Variants in POLG observed in about 807,000 individuals in gnomAD.
POLG encodes DNA polymerase gamma, catalytic subunit, also known as DNA polymerase subunit gamma-1.
In POLG, 110 loss-of-function variants were observed where a neutral mutation model predicts 155.4. The observed-to-expected ratio is 0.71, with a 90% CI of 0.61 to 0.83. POLG has a LOEUF of 0.83. POLG is among the 40% of genes least tolerant of loss of function. The pLI is 0.00. For synonymous variants in POLG, 701 were observed against 631.5 expected (o/e 1.11, Z -1.65); for missense variants, 1,685 against 1,627.5 (o/e 1.04, Z -0.61).
At position 89,321,776 on chromosome 15, in the gene POLG, C is replaced by T. The variant is rs796052888; in HGVS notation, c.2558G>A (p.Arg853Gln). ...GGTGAGCCATGTGGGCTCCACAGCCCGGCGAGTGATGGTGCCGGCAGTCAC... is the reference window on the plus strand; with the variant it reads ...GGTGAGCCATGTGGGCTCCACAGCCTGGCGAGTGATGGTGCCGGCAGTCAC... ...QVVTAGTITR[R>Q]AVEPTWLTAS... Residue 853 changes from arginine to glutamine, a missense_variant, in exon 16 of 23, where the codon CGG becomes CAG. By Grantham distance (43) the Arg-to-Gln change is conservative. Around this residue, in one of 3 missense-constraint regions of POLG, gnomAD observed 1,210 missense variants for 1,167.1 expected, o/e 1.04. Transcript: ENST00000268124. 4 of 1,613,982 alleles carry T rather than the reference C, an allele frequency of 2.5e-6. No homozygotes were observed. The highest frequency in any genetic ancestry group is 2.5e-6 in the Non-Finnish European group (3 of 1,180,022).
intron 18 of POLG, 41 bp downstream of exon 18, chr15:89,320,725 C>T (rs756767981): frequency 2.6e-5 from 42 of 1,608,844 alleles, no homozygotes; most frequent in Non-Finnish European, 3.2e-5. Context: ...AAGCAGGCCT[C>T]GGGTCCTGGG....
chr15:89,318,866 C>CA, intron 20 of POLG, 65 bp downstream of exon 20: 1 of 1,589,212 alleles, frequency 6.3e-7, no homozygotes, highest in Non-Finnish European at 8.6e-7. Context: ...TGGTAAGGTC[C>CA]ACAGGGAGCT....
Position 89,316,578 on chromosome 15 carries a change from G to A in POLG, c.*173C>T. ...TTGGCATCTTGGTTCTGAACCCACT[G>A]AATTCAACTGCACCTTCAGTTAGAA... On this transcript the variant is annotated 3_prime_UTR_variant, in exon 23 of 23. Coordinates refer to ENST00000268124, the MANE Select transcript of POLG (RefSeq NM_002693.3). 8.7e-7 allele frequency: 1 copy of A among 1,145,444 alleles called. No individual in the cohort carries two copies. The highest frequency in any genetic ancestry group is 1.3e-6 in the Non-Finnish European group (1 of 773,906). The allele number at this position is 1,145,444 out of a possible 1,614,324, so 71.0% of individuals were successfully genotyped here.
chr15:89,316,738 C>T lies in POLG; in HGVS notation c.*13G>A, dbSNP rs772034613. 7 of 1,603,346 alleles carry T rather than the reference C, an allele frequency of 4.4e-6. No homozygotes were observed. The South Asian group carries it at 7.7e-5, about 18-fold the overall frequency. On this transcript the variant is annotated 3_prime_UTR_variant, in exon 23 of 23. Coordinates refer to ENST00000268124, the MANE Select transcript of POLG (RefSeq NM_002693.3). ...AAGCTCCACGGGAGCAAATACAGAGCCTCCAGGCAGTGCTATGGTCCAGGC... is the reference window on the plus strand; with the variant it reads ...AAGCTCCACGGGAGCAAATACAGAGTCTCCAGGCAGTGCTATGGTCCAGGC...
rs369422789 is a variant in POLG, at chr15:89,321,862, G to T, written c.2481-9C>A. ...CATCATAGTCGGGGTGCCTGGTGGG[G>T]TGCAGGGGAAGGAAATGGGTCTTAG... On this transcript the variant is annotated splice_polypyrimidine_tract_variant and intron_variant, in intron 15 of 22. Transcript: ENST00000268124. 4.3e-6 allele frequency: 7 copies of T among 1,611,910 alleles called. No homozygotes were observed. In the Admixed American group the frequency reaches 6.7e-5, roughly 15 times the overall value.
In POLG at chr15:89,320,797, G is replaced by C; in HGVS notation, c.2950C>G (p.Gln984Glu). The C allele has an allele frequency of 6.2e-7, 1 of 1,613,732 alleles. No homozygotes were observed. The highest frequency in any genetic ancestry group is 8.5e-7 in the Non-Finnish European group (1 of 1,180,014). ...AGGCCCTTGGTGGCAGCGTACATCT[G>C]CTGGGCCTTCTCAGCTGCCTCCTGC... ...TQQEAAEKAQ[Q>E]MYAATKGLRW... is the part of the protein sequence containing the mutation. The change falls in exon 18 of 23, where the codon CAG becomes GAG. Residue 984 changes from glutamine (Q) to glutamate (E), a missense_variant. Gln to Glu is a conservative substitution (Grantham distance 29, BLOSUM62 2). Transcript: ENST00000268124.
In POLG at chr15:89,323,563, C is replaced by T. The variant is rs749744957; in HGVS notation, c.2158-52G>A. Reference sequence around the variant, plus strand: ...GCCCTGCTCCAGCACCTGCATTCAGCAAGGGCCATGGGGTAGGGGGTGGGA... The same window carrying T: ...GCCCTGCTCCAGCACCTGCATTCAGTAAGGGCCATGGGGTAGGGGGTGGGA... On this transcript the variant is annotated intron_variant, in intron 12 of 22. Coordinates refer to ENST00000268124, the MANE Select transcript of POLG (RefSeq NM_002693.3). 10 of 1,191,486 alleles carry T rather than the reference C, an allele frequency of 8.4e-6. No homozygotes were observed. In the African/African-American group the frequency reaches 1.0e-4, roughly 12 times the overall value. The allele number at this position is 1,191,486 out of a possible 1,614,324, so 73.8% of individuals were successfully genotyped here.
In POLG at chr15:89,327,289, G is replaced by A. The variant is rs62640035; in HGVS notation, c.1311C>T (p.Val437=). The A allele has an allele frequency of 5.6e-5, 91 of 1,614,062 alleles. No homozygotes were observed. Among genetic ancestry groups the A allele is most frequent in the Non-Finnish European group, 3.4e-5 (40 of 1,180,054 alleles). Residue 437 remains valine, a synonymous_variant, in exon 7 of 23, where the codon GTC becomes GTT. Transcript: ENST00000268124. ...MLEMGVSYLP[V]NQNWERYLAE... ...CCAGGTAACGCTCCCAGTTCTGGTT[G>A]ACAGGCAGGTAGGAGACACCCATCT...
rs771566653 is a variant in POLG at position 89,325,569 on chromosome 15, G to A, written c.1830C>T (p.Phe610=). The change falls in exon 10 of 23, where the codon TTC becomes TTT. Residue 610 remains phenylalanine (F), a synonymous_variant. Transcript: ENST00000268124. ...CATGACGCTCTGAGTAGTGCAGAGG[G>A]AAGCCATCCCAGGTAAGTGCCATGA... ...PKLMALTWDG[F]PLHYSERHGW... 21 of 1,613,610 alleles carry A rather than the reference G, an allele frequency of 1.3e-5. No homozygotes were observed. The highest frequency in any genetic ancestry group is 1.8e-5 in the Non-Finnish European group (21 of 1,180,014).
At chr15:89,322,982 C>T (rs2055418218) in intron 13 of POLG, 80 bp from the exon 14 acceptor site, 2 of 1,376,616 alleles carry the variant, frequency 1.5e-6, no homozygotes, top group Non-Finnish European at 2.0e-6. Flanking sequence ...ACCTGCACTC[C>T]TCCCAACACT....
At chr15:89,328,653 C>T (rs2055554332) in intron 5 of POLG, 32 bp downstream of exon 5, 1 of 1,613,732 alleles carries the variant, frequency 6.2e-7, no homozygotes, top group Non-Finnish European at 8.5e-7. Context: ...GTGCCACAGC[C>T]CATGTCCCCA....
Position 89,322,027 on chromosome 15 carries a change from GACA to G in POLG, c.2427-15_2427-13del. On this transcript the variant is annotated splice_polypyrimidine_tract_variant and intron_variant, in intron 14 of 22. Transcript: ENST00000268124. ...CCACCATCTGGGAGCTGTGGGGACA[GACA>G]ACGTGAGGCTCAGCACAGCCATGGG... 1.2e-6 allele frequency: 2 copies of G among 1,613,740 alleles called. No homozygotes were observed. The highest frequency in any genetic ancestry group is 1.7e-6 in the Non-Finnish European group (2 of 1,179,630).
In POLG at chr15:89,317,540, A is replaced by T; in HGVS notation, c.3483-4T>A. The stretch of plus-strand genomic sequence containing the variant: ...CAGCTTGTAGGCAAACATGCACCTG[A>T]AAGAGACCCAATCTACTCTCACAGT... On this transcript the variant is annotated splice_region_variant and splice_polypyrimidine_tract_variant and intron_variant, in intron 21 of 22. Transcript: ENST00000268124. 1 of 1,613,898 alleles carries T rather than the reference A, an allele frequency of 6.2e-7. No individual in the cohort carries two copies.
chr15:89,325,211 TGAGTGAGTGAGA>T lies in POLG; in HGVS notation c.1949+227_1949+238del, dbSNP rs1261162563. Among the ~76,000 whole-genome samples, 35 of 38,332 alleles carry T rather than the reference TGAGTGAGTGAGA, an allele frequency of 9.1e-4. 5 individuals carry two copies. The highest frequency in any genetic ancestry group is 4.1e-3 in the East Asian group (7 of 1,726). The allele number at this position is 38,332 out of a possible 152,430, so 25.1% of individuals were successfully genotyped here. Reference sequence around the variant, plus strand: ...GTGAGTGAGAGAGTGAGTGAGAGAGTGAGTGAGTGAGAGAGTGAGTGAGAGAGTGAGTGAGTG... The same window carrying T: ...GTGAGTGAGAGAGTGAGTGAGAGAGTGAGTGAGTGAGAGAGTGAGTGAGTG... On this transcript the variant is annotated intron_variant, in intron 10 of 22. Coordinates refer to ENST00000268124, the MANE Select transcript of POLG (RefSeq NM_002693.3).
Position 89,318,985 on chromosome 15 carries a change from C to T in POLG, c.3219G>A (p.Pro1073=), listed in dbSNP as rs770800532. Residue 1073 remains proline, a synonymous_variant, in exon 20 of 23, where the codon CCG becomes CCA. Coordinates refer to ENST00000268124, the MANE Select transcript of POLG (RefSeq NM_002693.3). ...SIATSDIPRT[P]VLGCCISRAL... Reference sequence around the variant, plus strand: ...CTCGGCTGATGCAGCAGCCCAGCACCGGGGTACGTGGTATGTCAGACGTAG... The same window carrying T: ...CTCGGCTGATGCAGCAGCCCAGCACTGGGGTACGTGGTATGTCAGACGTAG... The T allele has an allele frequency of 4.8e-5, 78 of 1,613,984 alleles. No individual in the cohort carries two copies. The highest frequency in any genetic ancestry group is 5.8e-5 in the Non-Finnish European group (68 of 1,180,024).
Position 89,328,986 on chromosome 15 carries a change from T to C in POLG, c.980A>G (p.Lys327Arg). ...TTTCCTCTGGGACTTCTGGCCTTGC[T>C]TTGTGGGGGGCTGGACCTTGTGTTT... is the stretch of plus-strand genomic sequence containing the variant. ...QGKHKVQPPT[K>R]QGQKSQRKAR... The change falls in exon 4 of 23, where the codon AAG becomes AGG. Residue 327 changes from lysine to arginine, a missense_variant. Physicochemically the swap from Lys to Arg is conservative, Grantham distance 26. This residue lies in a region of POLG where 1,210 missense variants were observed against 1,167.1 expected (regional missense o/e 1.04). Coordinates refer to ENST00000268124, the MANE Select transcript of POLG (RefSeq NM_002693.3). 5 of 1,613,794 alleles carry C rather than the reference T, an allele frequency of 3.1e-6. No homozygotes were observed. Among genetic ancestry groups the C allele is most frequent in the Non-Finnish European group, 4.2e-6 (5 of 1,180,042 alleles).
In POLG at chr15:89,316,562, T is replaced by TGGTTCTGAACCCACTGAATTCAACTGCA. The variant is rs2055272221; in HGVS notation, c.*161_*188dup. On this transcript the variant is annotated 3_prime_UTR_variant, in exon 23 of 23. Coordinates refer to ENST00000268124, the MANE Select transcript of POLG (RefSeq NM_002693.3). ...GTAGTCCACACCGATGTTGGCATCT[T>TGGTTCTGAACCCACTGAATTCAACTGCA]GGTTCTGAACCCACTGAATTCAACT... The TGGTTCTGAACCCACTGAATTCAACTGCA allele has an allele frequency of 7.7e-7, 1 of 1,295,926 alleles. No homozygotes were observed. Among genetic ancestry groups the TGGTTCTGAACCCACTGAATTCAACTGCA allele is most frequent in the Non-Finnish European group, 1.1e-6 (1 of 910,924 alleles). 80.3% of individuals were successfully genotyped at this position (1,295,926 alleles called of 1,614,324 possible). A position where few individuals can be genotyped will look rare whatever the true frequency, so the allele number is the denominator to read the frequency against.
At position 89,329,782 on chromosome 15, in the gene POLG, AG is replaced by A. The variant is rs375553388; in HGVS notation, c.855+298del. On this transcript the variant is annotated intron_variant, in intron 3 of 22. Coordinates refer to ENST00000268124, the MANE Select transcript of POLG (RefSeq NM_002693.3). Reference sequence around the variant, plus strand: ...CACAGTAGTCATCGGTGGTTAAGGCAGGAAGTGAGCCCAGGCTGTGGCTCAA... The same window carrying A: ...CACAGTAGTCATCGGTGGTTAAGGCAGAAGTGAGCCCAGGCTGTGGCTCAA... Among the ~76,000 whole-genome samples, 572 of 152,326 alleles carry A rather than the reference AG, an allele frequency of 3.8e-3. 3 individuals are homozygous for A. The highest frequency in any genetic ancestry group is 0.017 in the Middle Eastern group (5 of 294).
intron 22 of POLG, 95 bp from the exon 23 acceptor site, chr15:89,316,922 G>C (rs1009560100): frequency 1.1e-6 from 1 of 896,930 alleles, no homozygotes; most frequent in Non-Finnish European, 1.9e-6. Context: ...AGGTCAAAAG[G>C]AGAGTGAAAG....
Sources: allele counts gnomAD v4.1 joint callset (sites outside exome capture counted in the v4.1 genomes callset), GRCh38; gene constraint gnomAD v4.1.1; regional missense constraint gnomAD v4.1.1; transcripts MANE v1.5; gene names NCBI Gene and HGNC (gene_info 2026-07-23, HGNC 2026-07-21).